CSMD3: variants seen among roughly 807,000 people sequenced by gnomAD.
CSMD3 encodes CUB and Sushi multiple domains 3, also known as CUB and sushi domain-containing protein 3.
A neutral mutation model predicts 435.2 loss-of-function variants in CSMD3; 177 were observed. The observed-to-expected ratio is 0.41, with a 90% confidence interval of 0.36 to 0.46. The LOEUF is 0.46. Among genes scored for constraint, CSMD3 ranks in the 20% least tolerant of loss-of-function variants. CSMD3 has a pLI of 0.34. For missense variants in CSMD3, 4,265 were observed against 4,504.6 expected (o/e 0.95, Z 1.52); for synonymous variants, 1,656 against 1,520.5 (o/e 1.09, Z -2.07).
At chr8:112,343,009 ATATATATT>A (rs1563815708) in intron 41 of CSMD3, among the ~76,000 whole-genome samples, 20 of 94,762 alleles carry the variant, frequency 2.1e-4, no homozygotes, top group African/African-American at 6.0e-4. Context: ...ATTTATATAT[ATATATATT>A]TATATATATA....
chr8:112,480,515 G>A (rs1405394806), intron 31 of CSMD3, among the ~76,000 whole-genome samples: 1 of 152,158 alleles, frequency 6.6e-6, no homozygotes, highest in Non-Finnish European at 1.5e-5. Context: ...GGGCCAGGTA[G>A]GAGGTGTTTG....
At chr8:113,127,961 G>A (rs180968312) in intron 4 of CSMD3, among the ~76,000 whole-genome samples, 58 of 152,082 alleles carry the variant, frequency 3.8e-4, no homozygotes, top group Admixed American at 2.9e-3. Flanking sequence ...TTTCCTCTAC[G>A]TAGAATATTC....
chr8:112,695,612 C>A (rs183261279), intron 13 of CSMD3, among the ~76,000 whole-genome samples: 1 of 152,212 alleles, frequency 6.6e-6, no homozygotes, highest in Admixed American at 6.5e-5. Flanking sequence ...ATGAAAAACC[C>A]ACAGCCAATG....
intron 16 of CSMD3, among the ~76,000 whole-genome samples, chr8:112,674,725 A>G (rs1452456683): frequency 6.6e-6 from 1 of 152,176 alleles, no homozygotes; most frequent in African/African-American, 2.4e-5. Context: ...AAGGTAGATC[A>G]GCAAGCTCAT....
At chr8:112,246,909 TA>T in intron 64 of CSMD3, 110 bp downstream of exon 64, 1 of 804,774 alleles carries the variant, frequency 1.2e-6, no homozygotes, top group Non-Finnish European at 2.1e-6. Context: ...TTTTATAATC[TA>T]AAAGTCAATT....
At chr8:113,225,859 C>CGAATTGTAA (rs1170487431) in intron 3 of CSMD3, among the ~76,000 whole-genome samples, 9 of 151,360 alleles carry the variant, frequency 5.9e-5, no homozygotes, top group African/African-American at 1.9e-4. Context: ...AATTGTAATC[C>CGAATTGTAA]GAATTGTAAT....
At chr8:112,783,496 GAGGGAGGGAGGA>G (rs1186472620) in intron 13 of CSMD3, among the ~76,000 whole-genome samples, 1 of 110,432 alleles carries the variant, frequency 9.1e-6, no homozygotes. Context: ...AGAAGGGAGG[GAGGGAGGGAGGA>G]AGGGAGGGAG....
At chr8:112,943,902 C>T (rs1457026747) in intron 9 of CSMD3, among the ~76,000 whole-genome samples, 1 of 151,690 alleles carries the variant, frequency 6.6e-6, no homozygotes, top group Non-Finnish European at 1.5e-5. Flanking sequence ...AATCTGTATG[C>T]CTGAAAGAAT....
chr8:112,565,360 T>C lies in CSMD3; in HGVS notation c.4042+8141A>G, dbSNP rs182767631. On this transcript the variant is annotated intron_variant, in intron 24 of 70. Coordinates refer to ENST00000297405, the MANE Select transcript of CSMD3 (RefSeq NM_198123.2). ...TAAGAATAAAGGTAGAGTTAATAAG[T>C]CATCTGATAATTTTTTACGATTTAC... Among the ~76,000 whole-genome samples the C allele has an allele frequency of 3.5e-3, 540 of 152,224 alleles. 2 individuals carry two copies. The highest frequency in any genetic ancestry group is 0.012 in the African/African-American group (519 of 41,556).
intron 1 of CSMD3, among the ~76,000 whole-genome samples, chr8:113,432,794 A>G (rs1359511778): frequency 2.6e-5 from 4 of 152,190 alleles, no homozygotes; most frequent in Non-Finnish European, 5.9e-5. Flanking sequence ...CAGTGGTCGC[A>G]GCGCCACTGG....
intron 32 of CSMD3, among the ~76,000 whole-genome samples, chr8:112,463,755 C>A (rs1043971804): frequency 6.6e-6 from 1 of 152,114 alleles, no homozygotes; most frequent in Non-Finnish European, 1.5e-5. Context: ...ACAACTCTTA[C>A]TGTGTGGCTA....
At chr8:112,476,794 G>T (rs1819096811) in intron 31 of CSMD3, among the ~76,000 whole-genome samples, 1 of 152,070 alleles carries the variant, frequency 6.6e-6, no homozygotes, top group South Asian at 2.1e-4. Flanking sequence ...GAATCAATTT[G>T]TTGCTCATAA....
intron 5 of CSMD3, among the ~76,000 whole-genome samples, chr8:113,057,517 T>A (rs186139564): frequency 1.4e-3 from 208 of 152,146 alleles, no homozygotes; most frequent in African/African-American, 4.6e-3. Context: ...AGAACATAAA[T>A]TTAGAACAAC....
intron 3 of CSMD3, among the ~76,000 whole-genome samples, chr8:113,204,405 AT>A (rs1405085815): frequency 5.2e-4 from 79 of 152,302 alleles, no homozygotes; most frequent in African/African-American, 1.8e-3. Flanking sequence ...ATTTGAAATC[AT>A]AGAAACATTC....
At chr8:112,331,592 T>C (rs1002723790) in intron 45 of CSMD3, among the ~76,000 whole-genome samples, 2 of 151,774 alleles carry the variant, frequency 1.3e-5, no homozygotes, top group African/African-American at 4.8e-5. Context: ...TCCAGCACAT[T>C]CAAAATATAT....
chr8:112,549,720 A>G (rs1023948057), intron 27 of CSMD3, among the ~76,000 whole-genome samples: 3 of 152,040 alleles, frequency 2.0e-5, no homozygotes, highest in African/African-American at 7.2e-5. Context: ...CTGTGCACAC[A>G]TGATTCTGTT....
intron 12 of CSMD3, among the ~76,000 whole-genome samples, chr8:112,819,846 TA>T (rs1056347414): frequency 2.6e-5 from 4 of 151,904 alleles, no homozygotes; most frequent in African/African-American, 7.3e-5. Flanking sequence ...TGTGGAAATA[TA>T]AAAAAAAGTA....
In CSMD3 at chr8:113,329,506, A is replaced by G. The variant is rs1303887781; in HGVS notation, c.179-14713T>C. Among the ~76,000 whole-genome samples the G allele has an allele frequency of 2.6e-5, 4 of 152,292 alleles. No individual in the cohort carries two copies. The East Asian group carries it at 7.7e-4, about 29-fold the overall frequency. On this transcript the variant is annotated intron_variant, in intron 1 of 70. Transcript: ENST00000297405. ...GCAAAGCCTCAGAGGCTTTTGGGAC[A>G]ATATTACACATACCAAGATCTGCAT...
intron 35 of CSMD3, among the ~76,000 whole-genome samples, chr8:112,397,894 G>A (rs1830985621): frequency 6.6e-6 from 1 of 152,142 alleles, no homozygotes; most frequent in African/African-American, 2.4e-5. Context: ...GTTATAATTT[G>A]TTCCAGCATC....
Sources: allele counts gnomAD v4.1 joint callset (sites outside exome capture counted in the v4.1 genomes callset), GRCh38; gene constraint gnomAD v4.1.1; transcripts MANE v1.5; gene names NCBI Gene and HGNC (gene_info 2026-07-23, HGNC 2026-07-21).